Variants in ATAD3A observed in about 807,000 individuals in gnomAD.
ATAD3A encodes ATPase family AAA domain containing 3A.
A neutral mutation model predicts 73.8 loss-of-function variants in ATAD3A; 46 were observed. The ratio of observed to expected loss-of-function variants is 0.62; its 90% confidence interval spans 0.49 to 0.80. The LOEUF is 0.80. Ranked by LOEUF, ATAD3A falls within the 30% of genes least tolerant of loss-of-function variation. The pLI, the probability that ATAD3A is intolerant of heterozygous loss-of-function variation, is 0.00. For missense variants in ATAD3A, 705 were observed against 838.0 expected (o/e 0.84, Z 1.96); for synonymous variants, 319 against 350.0 (o/e 0.91, Z 0.99).
chr1:1,527,832 A>G lies in ATAD3A; in HGVS notation c.1475A>G (p.Tyr492Cys), dbSNP rs765647253. 5.0e-6 allele frequency: 8 copies of G among 1,613,620 alleles called. No individual in the cohort carries two copies. The African/African-American group carries it at 9.3e-5, about 19-fold the overall frequency. The change falls in exon 14 of 16, where the codon TAT becomes TGT. Residue 492 changes from tyrosine (Y) to cysteine (C), a missense_variant. This residue lies in a region of ATAD3A where 252 missense variants were observed against 278.5 expected (regional missense o/e 0.90). Transcript: ENST00000378756. ...ERLVRMYFDK[Y>C]VLKPATEGKQ... ...CTGGTGAGAATGTATTTTGACAAGT[A>G]TGTTCTTAAGCCGGCCACAGAAGGA...
intron 7 of ATAD3A, among the ~76,000 whole-genome samples, chr1:1,522,126 G>A (rs1641621077): frequency 1.3e-5 from 2 of 151,922 alleles, no homozygotes; most frequent in Admixed American, 6.6e-5. Flanking sequence ...TGCAACCTTT[G>A]CCTTCCGGGT....
chr1:1,514,621 G>A (rs903412186), intron 1 of ATAD3A, among the ~76,000 whole-genome samples: 10 of 152,152 alleles, frequency 6.6e-5, no homozygotes, highest in South Asian at 4.1e-4. Context: ...ACACCAAAGC[G>A]TCGCTGCCTC....
chr1:1,513,514 C>T (rs1385017023), intron 1 of ATAD3A, among the ~76,000 whole-genome samples: 1 of 151,784 alleles, frequency 6.6e-6, no homozygotes, highest in Admixed American at 6.6e-5. Context: ...GTGCCTTGGT[C>T]TGCCCTCTCT....
chr1:1,525,895 A>G (rs1641822386), intron 12 of ATAD3A, among the ~76,000 whole-genome samples: 1 of 152,068 alleles, frequency 6.6e-6, no homozygotes, highest in Admixed American at 6.6e-5. Context: ...TTTAGTAGAG[A>G]TGGAGTTTCC....
chr1:1,533,305 G>A (rs760492180), intron 15 of ATAD3A, among the ~76,000 whole-genome samples: 55 of 152,318 alleles, frequency 3.6e-4, no homozygotes, highest in Middle Eastern at 3.4e-3. Flanking sequence ...GGGACTCCAC[G>A]CCCTTCGCTG....
At chr1:1,532,907 G>T (rs1244572949) in intron 15 of ATAD3A, among the ~76,000 whole-genome samples, 1 of 151,970 alleles carries the variant, frequency 6.6e-6, no homozygotes, top group South Asian at 2.1e-4. Context: ...CCACAGTGGC[G>T]GTGCGGCTCC....
At position 1,520,670 on chromosome 1, in the gene ATAD3A, G is replaced by A. The variant is rs1044071270; in HGVS notation, c.750+53G>A. On this transcript the variant is annotated intron_variant, in intron 7 of 15. Coordinates refer to ENST00000378756, the MANE Select transcript of ATAD3A (RefSeq NM_001170535.3). The surrounding 1 kb of genome is among the most constrained non-coding windows in gnomAD (Gnocchi z 4.0). Reference sequence around the variant, plus strand: ...CAGGTGGCTGAGGGGCAGCATGTGGGGGCCTCCTGGAGCCCCAGGTCCTGT... The same window carrying A: ...CAGGTGGCTGAGGGGCAGCATGTGGAGGCCTCCTGGAGCCCCAGGTCCTGT... 3.3e-5 allele frequency: 53 copies of A among 1,612,912 alleles called. No homozygotes were observed. Among genetic ancestry groups the A allele is most frequent in the Middle Eastern group, 3.7e-4 (2 of 5,380 alleles).
At position 1,534,055 on chromosome 1, in the gene ATAD3A, G is replaced by A. The variant is rs778971337; in HGVS notation, c.1744G>A (p.Glu582Lys). Residue 582 changes from glutamate (E) to lysine (K), a missense_variant, in exon 16 of 16, where the codon GAG becomes AAG. Physicochemically the swap from Glu to Lys is moderately conservative, Grantham distance 56. Transcript: ENST00000378756. ...LKAEGPGRGD[E>K]PSPS ...GGCGGAAGGGCCTGGGCGTGGGGAC[G>A]AGCCCTCCCCATCCTGAGTCCACAG... is the stretch of plus-strand genomic sequence containing the variant. 8.7e-6 allele frequency: 14 copies of A among 1,613,454 alleles called. No homozygotes were observed. The highest frequency in any genetic ancestry group is 2.2e-5 in the East Asian group (1 of 44,886).
intron 15 of ATAD3A, 120 bp downstream of exon 15, chr1:1,529,451 G>C: frequency 1.4e-6 from 2 of 1,467,238 alleles, no homozygotes; most frequent in Non-Finnish European, 1.8e-6. Context: ...GGGGTTTTCA[G>C]TGCACAGAGG....
In ATAD3A at chr1:1,522,861, C is replaced by T. The variant is rs532176874; in HGVS notation, c.868C>T (p.Arg290Cys). ...GCCGTCCCTAGTGAGGGAGACGTCC[C>T]GCATCACGGTGCTTGAGGCGCTGCG... ...GKPSLVRETS[R>C]ITVLEALRHP... Residue 290 changes from arginine to cysteine, a missense_variant, in exon 8 of 16, where the codon CGC becomes TGC. Coordinates refer to ENST00000378756, the MANE Select transcript of ATAD3A (RefSeq NM_001170535.3). The T allele has an allele frequency of 1.0e-4, 169 of 1,609,936 alleles. No homozygotes were observed. The East Asian group carries it at 3.3e-3, about 31-fold the overall frequency.
chr1:1,525,328 TG>T, intron 12 of ATAD3A, 37 bp downstream of exon 12: 1 of 1,599,726 alleles, frequency 6.3e-7, no homozygotes, highest in Non-Finnish European at 8.5e-7. Context: ...AATGGGGTGG[TG>T]GGGTGGGCAC....
At chr1:1,516,549 A>G (rs1641365058) in intron 2 of ATAD3A, among the ~76,000 whole-genome samples, 1 of 152,016 alleles carries the variant, frequency 6.6e-6, no homozygotes, top group Non-Finnish European at 1.5e-5. Flanking sequence ...AATAGCTGGG[A>G]TTACAGGCAC....
Position 1,524,356 on chromosome 1 carries a change from C to T in ATAD3A, c.1173C>T (p.Ala391=). The T allele has an allele frequency of 6.2e-7, 1 of 1,611,156 alleles. No individual in the cohort carries two copies. Among genetic ancestry groups the T allele is most frequent in the Non-Finnish European group, 8.5e-7 (1 of 1,178,760 alleles). The change falls in exon 11 of 16, where the codon GCC becomes GCT. Residue 391 remains alanine (A), a synonymous_variant. Coordinates refer to ENST00000378756, the MANE Select transcript of ATAD3A (RefSeq NM_001170535.3). The part of the protein sequence containing the change: ...VAPMGREGVT[A]MHKLFDWANT... ...CCATGGGGCGGGAAGGCGTGACCGC[C>T]ATGCACAAGCTCTTTGACTGGGCCA...
chr1:1,525,084 C>A (rs1036091735), intron 11 of ATAD3A, among the ~76,000 whole-genome samples, 156 bp from the exon 12 acceptor site: 5 of 152,130 alleles, frequency 3.3e-5, no homozygotes, highest in Non-Finnish European at 7.4e-5. Context: ...CCAGGCTGAT[C>A]GGCTTCTGTC....
At chr1:1,527,378 A>C (rs1641884129) in intron 13 of ATAD3A, 1 of 1,082,294 alleles carries the variant, frequency 9.2e-7, no homozygotes, top group Admixed American at 3.6e-5. Flanking sequence ...ACTTCTCGAC[A>C]TGGACTCCGG....
At chr1:1,525,183 GC>G in intron 11 of ATAD3A, 56 bp from the exon 12 acceptor site, 1 of 1,610,762 alleles carries the variant, frequency 6.2e-7, no homozygotes, top group Non-Finnish European at 8.5e-7. Flanking sequence ...GCCGGACGCT[GC>G]TGTGGGCTGC....
intron 1 of ATAD3A, among the ~76,000 whole-genome samples, chr1:1,513,038 G>T (rs1352353660): frequency 6.6e-6 from 1 of 152,272 alleles, no homozygotes; most frequent in African/African-American, 2.4e-5. Context: ...CCCTCAGGGT[G>T]TGAGCACTCA....
rs570597864 is a variant in ATAD3A at position 1,533,280 on chromosome 1, G to A, written c.1615-646G>A. ...CACCCTGACCCTGACCCTGACCCAC[G>A]GGTGCCTCCCCTTGGGGACTCCACG... On this transcript the variant is annotated intron_variant, in intron 15 of 15. Coordinates refer to ENST00000378756, the MANE Select transcript of ATAD3A (RefSeq NM_001170535.3). Among the ~76,000 whole-genome samples, 8 of 152,294 alleles carry A rather than the reference G, an allele frequency of 5.3e-5. No homozygotes were observed. In the South Asian group the frequency reaches 1.4e-3, roughly 28 times the overall value.
chr1:1,515,933 G>T, intron 1 of ATAD3A, 79 bp from the exon 2 acceptor site: 4 of 1,549,454 alleles, frequency 2.6e-6, no homozygotes, highest in Non-Finnish European at 3.5e-6. Context: ...ATTCCAGAAA[G>T]CCCCTTGGCT....
Sources: allele counts gnomAD v4.1 joint callset (sites outside exome capture counted in the v4.1 genomes callset), GRCh38; gene constraint gnomAD v4.1.1; regional missense constraint gnomAD v4.1.1; non-coding constraint Gnocchi (gnomAD v3.1); transcripts MANE v1.5; gene names NCBI Gene and HGNC (gene_info 2026-07-23, HGNC 2026-07-21).